CFAP221: variants seen among roughly 807,000 people sequenced by gnomAD.
CFAP221 encodes the protein cilia- and flagella-associated protein 221.
CFAP221 carries 97 observed loss-of-function variants against 113.1 expected under a neutral mutation model. The ratio of observed to expected loss-of-function variants is 0.86; its 90% CI spans 0.73 to 1.02. CFAP221 has a LOEUF of 1.02. Among genes scored for constraint, CFAP221 ranks in the 50% least tolerant of loss-of-function variants. The pLI is 0.00. For synonymous variants in CFAP221, 331 were observed against 354.4 expected (o/e 0.93, Z 0.74); for missense variants, 1,025 against 1,013.4 (o/e 1.01, Z -0.16).
chr2:119,614,970 A>G (rs1685426513), intron 13 of CFAP221, among the ~76,000 whole-genome samples: 1 of 152,204 alleles, frequency 6.6e-6, no homozygotes, highest in South Asian at 2.1e-4. Flanking sequence ...GACTAATCCA[A>G]CAGGTTTTTC....
chr2:119,603,693 T>C (rs893292755), intron 8 of CFAP221, among the ~76,000 whole-genome samples: 38 of 152,262 alleles, frequency 2.5e-4, no homozygotes, highest in African/African-American at 8.2e-4. Flanking sequence ...CCTAAGCTAT[T>C]ATGCCAAATT....
intron 7 of CFAP221, among the ~76,000 whole-genome samples, chr2:119,593,090 C>T (rs1683705562): frequency 6.6e-6 from 1 of 152,110 alleles, no homozygotes; most frequent in South Asian, 2.1e-4. Flanking sequence ...TCAGGAATAC[C>T]AATTATGTGT....
chr2:119,584,043 A>G (rs1398644724), intron 6 of CFAP221, among the ~76,000 whole-genome samples: 1 of 152,246 alleles, frequency 6.6e-6, no homozygotes, highest in East Asian at 1.9e-4. Context: ...ACCAAAATGT[A>G]TAAGCTCATT....
At chr2:119,608,993 A>G (rs1440010763) in intron 12 of CFAP221, among the ~76,000 whole-genome samples, 2 of 152,244 alleles carry the variant, frequency 1.3e-5, no homozygotes, top group Non-Finnish European at 2.9e-5. Context: ...ACCAGGACCC[A>G]CATCAGAGAC....
At chr2:119,630,173 A>G (rs1014553098) in intron 17 of CFAP221, among the ~76,000 whole-genome samples, 8 of 152,240 alleles carry the variant, frequency 5.3e-5, no homozygotes, top group African/African-American at 1.2e-4. Flanking sequence ...ATATACCTAT[A>G]TCATGCATAT....
chr2:119,649,669 A>G (rs1688009046), intron 22 of CFAP221, among the ~76,000 whole-genome samples: 1 of 152,186 alleles, frequency 6.6e-6, no homozygotes, highest in African/African-American at 2.4e-5. Context: ...AGAGACCCCA[A>G]AAGCACTTTA....
chr2:119,615,186 A>G (rs1268519667), intron 13 of CFAP221, among the ~76,000 whole-genome samples: 1 of 152,232 alleles, frequency 6.6e-6, no homozygotes, highest in Admixed American at 6.5e-5. Flanking sequence ...TGCCCAGGAC[A>G]TGCAGGCACA....
intron 7 of CFAP221, among the ~76,000 whole-genome samples, chr2:119,593,111 T>C (rs930352355): frequency 6.6e-5 from 10 of 152,246 alleles, no homozygotes; most frequent in Non-Finnish European, 1.0e-4. Flanking sequence ...GTATGTTGGT[T>C]CTCCTTTGCC....
chr2:119,641,961 A>G lies in CFAP221; in HGVS notation c.2225+2089A>G, dbSNP rs1439144724. 2.6e-5 allele frequency among the ~76,000 whole-genome samples: 4 copies of G among 152,168 alleles called. No homozygotes were observed. In the East Asian group the frequency reaches 7.7e-4, roughly 29 times the overall value. Reference sequence around the variant, plus strand: ...GTACCGTTCTTGAGAATCAAGAAAAAGCATCCTATTTTCTTTCCAAAGCAA... The same window carrying G: ...GTACCGTTCTTGAGAATCAAGAAAAGGCATCCTATTTTCTTTCCAAAGCAA... On this transcript the variant is annotated intron_variant, in intron 21 of 23. Coordinates refer to ENST00000413369, the MANE Select transcript of CFAP221 (RefSeq NM_001271049.2).
intron 21 of CFAP221, among the ~76,000 whole-genome samples, chr2:119,640,808 G>C (rs879827903): frequency 6.6e-6 from 1 of 152,152 alleles, no homozygotes; most frequent in Non-Finnish European, 1.5e-5. Flanking sequence ...TGGATCCTCT[G>C]ACTCAGAAAC....
intron 6 of CFAP221, among the ~76,000 whole-genome samples, chr2:119,586,539 T>G (rs1683235670): frequency 6.6e-6 from 1 of 152,206 alleles, no homozygotes; most frequent in South Asian, 2.1e-4. Context: ...CTCTAATGGT[T>G]GCTGGACTTC....
intron 7 of CFAP221, among the ~76,000 whole-genome samples, chr2:119,600,315 C>T (rs2104659260): frequency 6.6e-6 from 1 of 152,286 alleles, no homozygotes; most frequent in Middle Eastern, 3.4e-3. Flanking sequence ...ACAGTCCATC[C>T]TAAAGATTTG....
intron 6 of CFAP221, among the ~76,000 whole-genome samples, chr2:119,576,083 A>G (rs1011245463): frequency 6.6e-6 from 1 of 152,206 alleles, no homozygotes; most frequent in Non-Finnish European, 1.5e-5. Context: ...AGGAAGTCAA[A>G]GGTCAGGCCA....
intron 3 of CFAP221, among the ~76,000 whole-genome samples, chr2:119,558,931 T>C (rs1400213847): frequency 6.6e-6 from 1 of 152,194 alleles, no homozygotes; most frequent in Non-Finnish European, 1.5e-5. Flanking sequence ...TTGAAGAATG[T>C]CAGTCCTCAA....
intron 6 of CFAP221, among the ~76,000 whole-genome samples, chr2:119,572,149 G>C (rs1682104018): frequency 6.6e-6 from 1 of 152,218 alleles, no homozygotes; most frequent in African/African-American, 2.4e-5. Context: ...AAAATTCTAT[G>C]TGGGCACTTG....
chr2:119,575,307 G>A (rs989940282), intron 6 of CFAP221, among the ~76,000 whole-genome samples: 4 of 151,968 alleles, frequency 2.6e-5, no homozygotes, highest in African/African-American at 9.7e-5. Context: ...ATGCCAGCTC[G>A]CCGTGTTCTC....
chr2:119,625,943 A>C (rs1412380255), intron 15 of CFAP221: 1 of 455,256 alleles, frequency 2.2e-6, no homozygotes, highest in Non-Finnish European at 3.9e-6. Flanking sequence ...TTCACACATT[A>C]AGCCTTTTAA....
chr2:119,583,663 G>A (rs1329296264), intron 6 of CFAP221, among the ~76,000 whole-genome samples: 1 of 152,208 alleles, frequency 6.6e-6, no homozygotes, highest in African/African-American at 2.4e-5. Flanking sequence ...GCTATGGTCT[G>A]AATGTTTGTT....
chr2:119,645,039 A>G (rs1424085701), intron 21 of CFAP221, among the ~76,000 whole-genome samples: 1 of 112,570 alleles, frequency 8.9e-6, no homozygotes, highest in Non-Finnish European at 1.7e-5. Flanking sequence ...ATGTAGTCAA[A>G]TAACTTGTAG....
Sources: allele counts gnomAD v4.1 joint callset (sites outside exome capture counted in the v4.1 genomes callset), GRCh38; gene constraint gnomAD v4.1.1; transcripts MANE v1.5; gene names NCBI Gene and HGNC (gene_info 2026-07-23, HGNC 2026-07-21).